BPTF: variants seen among roughly 807,000 people sequenced by gnomAD.
BPTF encodes nucleosome-remodeling factor subunit BPTF.
A neutral mutation model predicts 292.5 loss-of-function variants in BPTF; 18 were observed. That is an observed-to-expected ratio of 0.06 (90% CI 0.04 to 0.09). The LOEUF (loss-of-function observed/expected upper bound fraction) is 0.09, where lower values mean the gene tolerates loss of function less well. BPTF is among the 10% of genes least tolerant of loss of function. The pLI is 1.00. For synonymous variants in BPTF, 1,225 were observed against 1,251.9 expected, an observed-to-expected ratio of 0.98 and a Z score of 0.45; for missense variants, 2,726 against 3,498.7, an observed-to-expected ratio of 0.78 and a Z score of 5.57.
At chr17:67,908,648 C>G (rs932279567) in intron 9 of BPTF, among the ~76,000 whole-genome samples, 8 of 150,464 alleles carry the variant, frequency 5.3e-5, no homozygotes, top group Non-Finnish European at 1.0e-4. Flanking sequence ...CGCCACCATG[C>G]CTGGCTAATT....
At chr17:67,970,376 C>A (rs2068633413) in intron 26 of BPTF, among the ~76,000 whole-genome samples, 1 of 152,118 alleles carries the variant, frequency 6.6e-6, no homozygotes, top group Non-Finnish European at 1.5e-5. Context: ...CGAGCCTAGG[C>A]AACAAGCGAG....
chr17:67,865,909 C>G (rs2059367229), intron 2 of BPTF, among the ~76,000 whole-genome samples: 1 of 152,136 alleles, frequency 6.6e-6, no homozygotes, highest in Non-Finnish European at 1.5e-5. Context: ...CCTTCAAAAA[C>G]CAGAACTTAG....
chr17:67,828,754 C>T (rs539740621), intron 1 of BPTF, among the ~76,000 whole-genome samples: 1 of 152,174 alleles, frequency 6.6e-6, no homozygotes, highest in East Asian at 1.9e-4. Context: ...TCTTGAACTC[C>T]CGACCTCAGT....
At chr17:67,830,909 T>C (rs186433178) in intron 1 of BPTF, among the ~76,000 whole-genome samples, 20 of 152,320 alleles carry the variant, frequency 1.3e-4, no homozygotes, top group Admixed American at 7.8e-4. Flanking sequence ...AGCAGCACCA[T>C]GCACAAACAT....
chr17:67,884,074 A>G (rs1156825124), intron 4 of BPTF, among the ~76,000 whole-genome samples: 4 of 151,638 alleles, frequency 2.6e-5, no homozygotes, highest in Non-Finnish European at 5.9e-5. Context: ...GCTACAATGC[A>G]TGGTATTTCA....
intron 11 of BPTF, among the ~76,000 whole-genome samples, chr17:67,916,433 T>C (rs1040945271): frequency 3.3e-5 from 5 of 151,906 alleles, no homozygotes; most frequent in Non-Finnish European, 5.9e-5. Context: ...TTACTAAATA[T>C]ACAAAAATGA....
At chr17:67,964,803 T>C (rs1448962461) in intron 25 of BPTF, among the ~76,000 whole-genome samples, 5 of 147,422 alleles carry the variant, frequency 3.4e-5, no homozygotes, top group Non-Finnish European at 7.5e-5. Flanking sequence ...GATCAGACCA[T>C]CCTGGCTAAC....
At position 67,970,310 on chromosome 17, in the gene BPTF, G is replaced by A. The variant is rs372033433; in HGVS notation, c.8539+3654G>A. Among the ~76,000 whole-genome samples the A allele has an allele frequency of 2.2e-4, 33 of 152,010 alleles. 1 individual carries two copies. The East Asian group carries it at 4.3e-3, about 20-fold the overall frequency. On this transcript the variant is annotated intron_variant, in intron 26 of 27. Transcript: ENST00000306378. ...CCAGCCCGAGAGACTGAGGCAGGAC[G>A]ATCACTTCAGCTGGGAGGTGGAGGC...
intron 26 of BPTF, among the ~76,000 whole-genome samples, chr17:67,971,264 A>G (rs1455023875): frequency 6.6e-6 from 1 of 151,994 alleles, no homozygotes; most frequent in Admixed American, 6.6e-5. Context: ...TTTTTGGTAG[A>G]ATCAGGGTTT....
intron 26 of BPTF, among the ~76,000 whole-genome samples, chr17:67,972,633 CTATT>C (rs2148546165): frequency 6.6e-6 from 1 of 152,140 alleles, no homozygotes; most frequent in Admixed American, 6.6e-5. Context: ...GGAGTCATAT[CTATT>C]AATCATTATA....
In BPTF at chr17:67,903,900, A is replaced by G. The variant is rs775482419; in HGVS notation, c.2655A>G (p.Thr885=). The G allele has an allele frequency of 9.5e-6, 15 of 1,585,956 alleles. No individual in the cohort carries two copies. The highest frequency in any genetic ancestry group is 1.3e-5 in the Non-Finnish European group (15 of 1,172,746). ...TMQQATWVKY[T]FPVKHQVWKQ... is the part of the protein sequence containing the mutation. ...AGCAAGCGACATGGGTAAAATACAC[A>G]TTTCCAGTTAAGCATCAGGTAATTT... is the stretch of plus-strand genomic sequence containing the variant. Residue 885 remains threonine, a synonymous_variant, in exon 8 of 28, where the codon ACA becomes ACG. Transcript: ENST00000306378.
At chr17:67,906,966 T>G (rs1598566244) in intron 9 of BPTF, among the ~76,000 whole-genome samples, 1 of 152,148 alleles carries the variant, frequency 6.6e-6, no homozygotes, top group African/African-American at 2.4e-5. Flanking sequence ...GGAGGATCAG[T>G]TGAGCCCAGG....
At chr17:67,944,890 C>T (rs1440376001) in intron 20 of BPTF, among the ~76,000 whole-genome samples, 1 of 144,468 alleles carries the variant, frequency 6.9e-6, no homozygotes, top group Non-Finnish European at 1.5e-5. Flanking sequence ...AACCAGCCCT[C>T]TAGAGTTAGG....
intron 18 of BPTF, among the ~76,000 whole-genome samples, chr17:67,939,749 A>G (rs2065214524): frequency 1.3e-5 from 2 of 152,154 alleles, no homozygotes; most frequent in Admixed American, 1.3e-4. Context: ...GTGTGGTGGG[A>G]CATGCCTGTA....
intron 4 of BPTF, among the ~76,000 whole-genome samples, chr17:67,881,897 T>G (rs1276188183): frequency 7.8e-6 from 1 of 127,418 alleles, no homozygotes; most frequent in African/African-American, 3.1e-5. Context: ...GACAGGGTCT[T>G]GCTCTGTCAC....
chr17:67,971,583 A>T (rs1555690954), intron 26 of BPTF, among the ~76,000 whole-genome samples: 1 of 151,884 alleles, frequency 6.6e-6, no homozygotes, highest in East Asian at 1.9e-4. Context: ...AGGCAGGCGG[A>T]TCATGAGTTC....
chr17:67,963,792 T>C (rs1237060683), intron 24 of BPTF, among the ~76,000 whole-genome samples: 2 of 152,296 alleles, frequency 1.3e-5, no homozygotes, highest in East Asian at 3.9e-4. Flanking sequence ...TAGCCTGACT[T>C]GTTTGGACTT....
Position 67,947,822 on chromosome 17 carries a change from A to C in BPTF, c.7700+14A>C. The C allele has an allele frequency of 6.4e-7, 1 of 1,550,630 alleles. No individual in the cohort carries two copies. The highest frequency in any genetic ancestry group is 8.7e-7 in the Non-Finnish European group (1 of 1,146,078). On this transcript the variant is annotated intron_variant, in intron 22 of 27. Transcript: ENST00000306378. ...AGAGAATCAAAGGTAGGGGAGACGC[A>C]GGGTCTTGTTGTCTGTCCGTCTCTT...
At chr17:67,970,470 T>C (rs2068643691) in intron 26 of BPTF, among the ~76,000 whole-genome samples, 1 of 152,106 alleles carries the variant, frequency 6.6e-6, no homozygotes, top group African/African-American at 2.4e-5. Context: ...CCTAAGTAGG[T>C]ACATAAAGAT....
Sources: allele counts gnomAD v4.1 joint callset (sites outside exome capture counted in the v4.1 genomes callset), GRCh38; gene constraint gnomAD v4.1.1; transcripts MANE v1.5; gene names NCBI Gene and HGNC (gene_info 2026-07-23, HGNC 2026-07-21).